Variants in ADAMTSL1 observed in about 807,000 individuals in gnomAD.
ADAMTSL1 encodes ADAMTS-like protein 1.
ADAMTSL1 carries 126 observed loss-of-function variants against 201.8 expected under a neutral mutation model. The ratio of observed to expected loss-of-function variants is 0.62; its 90% CI spans 0.54 to 0.72. The LOEUF is 0.72. Ranked by LOEUF, ADAMTSL1 falls within the 30% of genes least tolerant of loss-of-function variation. ADAMTSL1 has a pLI of 0.00. For synonymous variants in ADAMTSL1, 1,121 were observed against 903.4 expected (o/e 1.24, Z -4.32); for missense variants, 2,679 against 2,277.8 (o/e 1.18, Z -3.59).
intron 2 of ADAMTSL1, among the ~76,000 whole-genome samples, chr9:18,310,332 A>T (rs976579013): frequency 1.2e-4 from 17 of 144,818 alleles, no homozygotes; most frequent in Admixed American, 9.9e-4. Flanking sequence ...CAAAATTGAC[A>T]TATCGGATCT....
In ADAMTSL1 at chr9:18,908,884, G is replaced by A. The variant is rs1377992019; in HGVS notation, c.*336G>A. On this transcript the variant is annotated 3_prime_UTR_variant, in exon 29 of 29. Transcript: ENST00000380548. ...CTAGAAAGAGGCAGGCACAGCCCCT[G>A]CGGACAGCAGGGAGCCAGAAGGTTT... is the stretch of plus-strand genomic sequence containing the variant. 4.5e-6 allele frequency: 1 copy of A among 222,908 alleles called. No homozygotes were observed. The highest frequency in any genetic ancestry group is 1.2e-4 in the East Asian group (1 of 8,334). 13.8% of individuals were successfully genotyped at this position (222,908 alleles called of 1,614,324 possible).
At chr9:18,843,624 G>A (rs965510493) in intron 23 of ADAMTSL1, among the ~76,000 whole-genome samples, 2 of 150,772 alleles carry the variant, frequency 1.3e-5, no homozygotes, top group Non-Finnish European at 2.9e-5. Flanking sequence ...ATATCCTGCA[G>A]AGTGTTTTCC....
chr9:18,622,907 T>C (rs1288575865), intron 5 of ADAMTSL1, among the ~76,000 whole-genome samples: 1 of 152,228 alleles, frequency 6.6e-6, no homozygotes, highest in African/African-American at 2.4e-5. Context: ...TGTTTTTGTT[T>C]GTTTTTGACT....
chr9:18,396,718 G>A lies in ADAMTSL1; in HGVS notation c.208-108111G>A, dbSNP rs956994500. ...AACTATGTCCTTGCTTTGCCATGGT[G>A]ATCTCAACTCTCAAGGTTTAACCAC... On this transcript the variant is annotated intron_variant, in intron 2 of 29. Transcript: ENST00000680146. Among the ~76,000 whole-genome samples the A allele has an allele frequency of 4.6e-5, 7 of 151,998 alleles. No homozygotes were observed. In the East Asian group the frequency reaches 1.4e-3, roughly 29 times the overall value.
At chr9:18,014,397 A>G (rs1726974186) in intron 1 of ADAMTSL1, among the ~76,000 whole-genome samples, 1 of 152,022 alleles carries the variant, frequency 6.6e-6, no homozygotes, top group South Asian at 2.1e-4. Context: ...TAACCATAAC[A>G]CTGGTTTTTG....
intron 4 of ADAMTSL1, among the ~76,000 whole-genome samples, chr9:18,590,293 T>A (rs183606459): frequency 2.0e-5 from 3 of 152,224 alleles, no homozygotes; most frequent in African/African-American, 7.2e-5. Context: ...GGTTTTCCAA[T>A]TTATTGGTAT....
chr9:17,988,063 G>T (rs76292089), intron 1 of ADAMTSL1, among the ~76,000 whole-genome samples: 1,698 of 152,172 alleles, frequency 0.011, 30 homozygotes, highest in African/African-American at 0.039. Context: ...GTGTTGCCTG[G>T]TGTTGATTGC....
At chr9:18,373,898 T>A (rs996975773) in intron 2 of ADAMTSL1, among the ~76,000 whole-genome samples, 2 of 152,158 alleles carry the variant, frequency 1.3e-5, no homozygotes, top group African/African-American at 4.8e-5. Flanking sequence ...CTCCTACCAC[T>A]GTCCCCAGCT....
chr9:18,223,903 A>G (rs555689277), intron 2 of ADAMTSL1, among the ~76,000 whole-genome samples: 16 of 152,074 alleles, frequency 1.1e-4, no homozygotes, highest in African/African-American at 2.9e-4. Flanking sequence ...TAGAGGTTGT[A>G]TGTTTTCCTC....
chr9:18,313,746 A>G lies in ADAMTSL1; in HGVS notation c.207+149765A>G, dbSNP rs73428989. Among the ~76,000 whole-genome samples the G allele has an allele frequency of 9.1e-3, 1,382 of 152,274 alleles. 31 individuals are homozygous for G. Among genetic ancestry groups the G allele is most frequent in the African/African-American group, 0.031 (1,307 of 41,568 alleles). On this transcript the variant is annotated intron_variant, in intron 2 of 29. Transcript: ENST00000680146. Reference sequence around the variant, plus strand: ...CTAGGAGTTTCCTAGAGGAAAGTATAGGGAAAGAAACCTCCTGACATTGGT... The same window carrying G: ...CTAGGAGTTTCCTAGAGGAAAGTATGGGGAAAGAAACCTCCTGACATTGGT...
At chr9:18,474,623 T>G (rs1176812672) in intron 1 of ADAMTSL1, among the ~76,000 whole-genome samples, 2 of 152,164 alleles carry the variant, frequency 1.3e-5, no homozygotes, top group African/African-American at 4.8e-5. Context: ...GGAATTTGGA[T>G]AACAGACATC....
intron 14 of ADAMTSL1, among the ~76,000 whole-genome samples, chr9:18,720,106 A>C (rs482009): frequency 0.83 from 126,056 of 152,096 alleles, 53,036 homozygotes; most frequent in Admixed American, 0.89. Flanking sequence ...TCTTCACTCA[A>C]ACTGAGCTCT....
chr9:18,357,962 T>C (rs538795633), intron 2 of ADAMTSL1, among the ~76,000 whole-genome samples: 1 of 152,312 alleles, frequency 6.6e-6, no homozygotes, highest in African/African-American at 2.4e-5. Flanking sequence ...TTTGTTGTTG[T>C]TCAGTCTAAA....
At chr9:18,694,708 T>C (rs1831445067) in intron 13 of ADAMTSL1, among the ~76,000 whole-genome samples, 1 of 152,168 alleles carries the variant, frequency 6.6e-6, no homozygotes, top group South Asian at 2.1e-4. Context: ...AGGTTCATGG[T>C]GCAAGCTGTC....
chr9:18,878,854 G>A (rs1213068198), intron 23 of ADAMTSL1, among the ~76,000 whole-genome samples: 2 of 152,172 alleles, frequency 1.3e-5, no homozygotes, highest in African/African-American at 4.8e-5. Flanking sequence ...GAAGCTTGGA[G>A]GAGAGGCCAC....
At chr9:18,199,171 A>C (rs956806306) in intron 2 of ADAMTSL1, among the ~76,000 whole-genome samples, 76 of 151,746 alleles carry the variant, frequency 5.0e-4, no homozygotes, top group Non-Finnish European at 8.7e-4. Flanking sequence ...ATGACGAGTT[A>C]GTGGGTGCAG....
At chr9:18,769,972 T>C (rs556124697) in intron 16 of ADAMTSL1, among the ~76,000 whole-genome samples, 7 of 152,312 alleles carry the variant, frequency 4.6e-5, no homozygotes, top group East Asian at 1.9e-4. Flanking sequence ...CAATGTTTTA[T>C]TGGGGTTCCT....
At chr9:18,498,399 C>T (rs1053825393) in intron 1 of ADAMTSL1, among the ~76,000 whole-genome samples, 12 of 150,162 alleles carry the variant, frequency 8.0e-5, no homozygotes, top group Admixed American at 4.6e-4. Flanking sequence ...TGCATTGGCC[C>T]GATCTCAGCT....
In ADAMTSL1 at chr9:18,721,612, C is replaced by T; in HGVS notation, c.1953C>T (p.Ser651=). Residue 651 remains serine (S), a synonymous_variant, in exon 15 of 29, where the codon AGC becomes AGT. Coordinates refer to ENST00000380548, the MANE Select transcript of ADAMTSL1 (RefSeq NM_001040272.6). ...EPAEENLCVT[S]RRPPQLLKSC... ...CTGAGGAGAACCTGTGCGTGACCAG[C>T]CGCCGGCCCCCACAGCTCCTGAAGT... The T allele has an allele frequency of 6.2e-7, 1 of 1,613,960 alleles. No individual in the cohort carries two copies. The highest frequency in any genetic ancestry group is 8.5e-7 in the Non-Finnish European group (1 of 1,179,870).
Sources: gnomAD v4.1 joint callset for allele counts (sites outside exome capture counted in the v4.1 genomes callset) on GRCh38, gnomAD v4.1.1 for gene constraint, MANE v1.5 for transcripts, NCBI Gene and HGNC (gene_info 2026-07-23, HGNC 2026-07-21) for gene names.